Variants in CHIC1 observed in about 807,000 individuals in gnomAD.
The protein encoded by CHIC1 is cysteine-rich hydrophobic domain-containing protein 1.
A neutral mutation model predicts 18.5 loss-of-function variants in CHIC1; 7 were observed. The observed-to-expected ratio is 0.38, with a 90% confidence interval of 0.22 to 0.71. The LOEUF is 0.71. Among genes scored for constraint, CHIC1 ranks in the 30% least tolerant of loss-of-function variants. CHIC1 has a pLI of 0.49. For missense variants in CHIC1, 159 were observed against 176.9 expected, an observed-to-expected ratio of 0.90 and a Z score of 0.57; for synonymous variants, 77 against 73.5, an observed-to-expected ratio of 1.05 and a Z score of -0.25.
intron 3 of CHIC1, among the ~76,000 whole-genome samples, chrX:73,617,132 C>A (rs1484891628): frequency 9.0e-6 from 1 of 111,556 alleles, no homozygotes; most frequent in Non-Finnish European, 1.9e-5. Flanking sequence ...CTGCCTGATA[C>A]CCTAAATCAT....
chrX:73,673,133 C>T (rs1194831125), intron 3 of CHIC1, among the ~76,000 whole-genome samples: 1 of 111,876 alleles, frequency 8.9e-6, no homozygotes, highest in Non-Finnish European at 1.9e-5. Context: ...CAGTACCATG[C>T]TGTTTTGGTT....
Position 73,577,502 on chromosome X carries a change from T to C in CHIC1, c.351+41T>C, listed in dbSNP as rs2147544933. On this transcript the variant is annotated intron_variant, in intron 2 of 5. Transcript: ENST00000373502. ...CTTTGAACTTTTCAGTTCTAAAGCATTGTTTTATGGCTTACTCATTGTTAT... is the reference window on the plus strand; with the variant it reads ...CTTTGAACTTTTCAGTTCTAAAGCACTGTTTTATGGCTTACTCATTGTTAT... The C allele has an allele frequency of 5.2e-6, 5 of 965,196 alleles. No homozygotes were observed. The South Asian group carries it at 9.9e-5, about 19-fold the overall frequency. 79.5% of individuals were successfully genotyped at this position (965,196 alleles called of 1,213,427 possible).
chrX:73,571,564 A>G (rs2057470942), intron 1 of CHIC1, among the ~76,000 whole-genome samples: 1 of 111,405 alleles, frequency 9.0e-6, no homozygotes, highest in Non-Finnish European at 1.9e-5. Context: ...TGCCGTAAAA[A>G]TTCATGCATA....
intron 3 of CHIC1, among the ~76,000 whole-genome samples, chrX:73,589,438 A>G (rs913990367): frequency 1.8e-5 from 2 of 110,702 alleles, no homozygotes; most frequent in African/African-American, 6.5e-5. Context: ...AGTTGTTACA[A>G]TTAACATCTT....
intron 3 of CHIC1, among the ~76,000 whole-genome samples, chrX:73,621,299 A>G (rs2057759182): frequency 8.9e-6 from 1 of 111,982 alleles, no homozygotes; most frequent in Admixed American, 9.4e-5. Context: ...CAGTATAGCC[A>G]TTTTCACAAT....
chrX:73,635,023 G>A (rs1320473680), intron 3 of CHIC1, among the ~76,000 whole-genome samples: 1 of 110,507 alleles, frequency 9.0e-6, no homozygotes, highest in African/African-American at 3.3e-5. Flanking sequence ...CTCATCTATG[G>A]GTGGTTGCCA....
chrX:73,579,860 T>A (rs1190289103), intron 2 of CHIC1, among the ~76,000 whole-genome samples: 1 of 110,809 alleles, frequency 9.0e-6, no homozygotes, highest in East Asian at 2.8e-4. Context: ...TAATAGTGTA[T>A]TTTTGTAGAA....
chrX:73,649,780 A>G (rs978151086), intron 3 of CHIC1, among the ~76,000 whole-genome samples: 1 of 111,845 alleles, frequency 8.9e-6, no homozygotes, highest in Non-Finnish European at 1.9e-5. Flanking sequence ...AGACAGATCA[A>G]CAAGACAGAA....
intron 3 of CHIC1, among the ~76,000 whole-genome samples, chrX:73,643,227 C>T (rs778784434): frequency 1.1e-3 from 124 of 111,146 alleles, no homozygotes; most frequent in African/African-American, 3.3e-3. Context: ...GAGTTTCTGC[C>T]GAGAGATCTG....
intron 3 of CHIC1, among the ~76,000 whole-genome samples, chrX:73,650,230 C>A (rs2057909100): frequency 9.0e-6 from 1 of 111,717 alleles, no homozygotes; most frequent in Non-Finnish European, 1.9e-5. Flanking sequence ...CATCAGAAAA[C>A]TGGAAAGCTT....
intron 3 of CHIC1, among the ~76,000 whole-genome samples, chrX:73,590,822 A>G (rs1339829003): frequency 9.0e-6 from 1 of 111,398 alleles, no homozygotes; most frequent in Non-Finnish European, 1.9e-5. Context: ...ATAATATTCC[A>G]GTTTTGAGAT....
At chrX:73,641,274 T>C (rs1254937438) in intron 3 of CHIC1, among the ~76,000 whole-genome samples, 1 of 111,322 alleles carries the variant, frequency 9.0e-6, no homozygotes, top group Non-Finnish European at 1.9e-5. Flanking sequence ...AATTTTATAA[T>C]ATGTGCCATG....
At chrX:73,604,754 A>T (rs2057670810) in intron 3 of CHIC1, among the ~76,000 whole-genome samples, 1 of 108,603 alleles carries the variant, frequency 9.2e-6, no homozygotes, top group Admixed American at 9.7e-5. Context: ...GCTTTAATTT[A>T]GTTATTTACC....
At chrX:73,675,031 G>T (rs1603350980) in intron 3 of CHIC1, among the ~76,000 whole-genome samples, 2 of 111,987 alleles carry the variant, frequency 1.8e-5, no homozygotes. Context: ...CAGTTTCCAT[G>T]TAGTTGAGCA....
intron 3 of CHIC1, among the ~76,000 whole-genome samples, chrX:73,626,172 A>G (rs572454579): frequency 8.9e-6 from 1 of 111,914 alleles, no homozygotes; most frequent in African/African-American, 3.2e-5. Context: ...ATAGCGGAAC[A>G]GCCAGAGCTC....
At chrX:73,651,371 C>G (rs1322648424) in intron 3 of CHIC1, among the ~76,000 whole-genome samples, 3 of 110,264 alleles carry the variant, frequency 2.7e-5, no homozygotes, top group African/African-American at 9.9e-5. Flanking sequence ...ATTAGAAGTT[C>G]TGGCCAGGGC....
intron 3 of CHIC1, among the ~76,000 whole-genome samples, chrX:73,654,244 G>A (rs2057931264): frequency 8.9e-6 from 1 of 112,021 alleles, no homozygotes; most frequent in Non-Finnish European, 1.9e-5. Context: ...TTTTTACTTT[G>A]AAGGTTGTTG....
At chrX:73,594,811 A>G (rs2057599149) in intron 3 of CHIC1, among the ~76,000 whole-genome samples, 1 of 111,742 alleles carries the variant, frequency 8.9e-6, no homozygotes, top group Non-Finnish European at 1.9e-5. Context: ...TGTCTCTACA[A>G]ATTTGCCTGT....
chrX:73,570,773 G>A (rs1375344204), intron 1 of CHIC1, among the ~76,000 whole-genome samples: 1 of 109,876 alleles, frequency 9.1e-6, no homozygotes, highest in Admixed American at 9.7e-5. Context: ...TGCTTAGAAA[G>A]AAAAAAAAGC....
Sources: gnomAD v4.1 joint callset for allele counts (sites outside exome capture counted in the v4.1 genomes callset) on GRCh38, gnomAD v4.1.1 for gene constraint, MANE v1.5 for transcripts, NCBI Gene and HGNC (gene_info 2026-07-23, HGNC 2026-07-21) for gene names.